The following MAPRE2 variants were observed in gnomAD, a reference collection of about 807,000 sequenced individuals.
MAPRE2 encodes microtubule associated protein RP/EB family member 2.
MAPRE2 carries 13 observed loss-of-function variants against 43.2 expected under a neutral mutation model. That is an observed-to-expected ratio of 0.30 (90% CI 0.20 to 0.48). The LOEUF (loss-of-function observed/expected upper bound fraction) is 0.48. Ranked by LOEUF, MAPRE2 falls within the 20% of genes least tolerant of loss-of-function variation. The probability of loss-of-function intolerance (pLI) is 0.99; values close to 1 mark genes in which losing one functional copy is unlikely to be tolerated. For missense variants in MAPRE2, 161 were observed against 400.2 expected (o/e 0.40, Z 5.10); for synonymous variants, 135 against 148.8 (o/e 0.91, Z 0.68).
intron 2 of MAPRE2, among the ~76,000 whole-genome samples, chr18:35,082,444 C>G (rs1450266329): frequency 2.6e-5 from 4 of 152,168 alleles, no homozygotes; most frequent in Non-Finnish European, 5.9e-5. Context: ...CTTGAGCAAT[C>G]TAGCTGCATT....
intron 2 of MAPRE2, among the ~76,000 whole-genome samples, chr18:35,071,439 G>A (rs1048475819): frequency 1.3e-5 from 2 of 152,198 alleles, no homozygotes; most frequent in African/African-American, 4.8e-5. Flanking sequence ...TTAGGTCTGA[G>A]TATTTATGAA....
intron 2 of MAPRE2, among the ~76,000 whole-genome samples, chr18:35,015,224 G>C (rs1035435182): frequency 1.3e-5 from 2 of 152,092 alleles, no homozygotes; most frequent in African/African-American, 2.4e-5. Flanking sequence ...TGGTGAGGTT[G>C]AGTACAGGGG....
At chr18:35,018,192 G>A (rs2097039651) in intron 2 of MAPRE2, among the ~76,000 whole-genome samples, 1 of 151,926 alleles carries the variant, frequency 6.6e-6, no homozygotes. Context: ...TTTTTGATAT[G>A]CTGTTGGATT....
upstream of MAPRE2, among the ~76,000 whole-genome samples, chr18:35,041,150 C>G (rs1905324424): frequency 6.6e-6 from 1 of 152,342 alleles, no homozygotes; most frequent in African/African-American, 2.4e-5. Context: ...AGAGGAAGAG[C>G]TGGTTTTCAG....
At chr18:35,053,023 A>AC (rs1906032464) in intron 1 of MAPRE2, among the ~76,000 whole-genome samples, 2 of 143,136 alleles carry the variant, frequency 1.4e-5, no homozygotes, top group South Asian at 2.5e-4. Flanking sequence ...CACACACACA[A>AC]AAAGACCTAG....
chr18:35,110,300 CAG>C (rs772349802), intron 4 of MAPRE2, among the ~76,000 whole-genome samples: 1 of 152,088 alleles, frequency 6.6e-6, no homozygotes, highest in Non-Finnish European at 1.5e-5. Context: ...GTATGAGAAA[CAG>C]AATGTAAAAC....
intron 1 of MAPRE2, among the ~76,000 whole-genome samples, chr18:34,985,133 A>ATAT (rs1482376201): frequency 1.2e-5 from 1 of 84,780 alleles, no homozygotes; most frequent in African/African-American, 4.9e-5. Context: ...TTATATATAA[A>ATAT]TATATACAAA....
chr18:35,031,573 C>T lies in MAPRE2; in HGVS notation c.-8+26020C>T, dbSNP rs142769514. On this transcript the variant is annotated intron_variant, in intron 2 of 7. Coordinates refer to the MAPRE2 transcript ENST00000413393. ...GAGTATTTTTAAATTGCATTCACAT[C>T]ATGTTCTATGAGTTATTCTACAAAA... Among the ~76,000 whole-genome samples, 5 of 152,282 alleles carry T rather than the reference C, an allele frequency of 3.3e-5. 1 individual carries two copies. In the East Asian group the frequency reaches 9.6e-4, roughly 29 times the overall value.
At chr18:35,001,511 C>T (rs1477200716) in intron 1 of MAPRE2, among the ~76,000 whole-genome samples, 1 of 76,382 alleles carries the variant, frequency 1.3e-5, no homozygotes, top group Non-Finnish European at 3.0e-5. Flanking sequence ...AAGACTTTGT[C>T]TCAAAAAAAA....
chr18:35,112,698 T>G, intron 4 of MAPRE2, among the ~76,000 whole-genome samples: 1 of 152,226 alleles, frequency 6.6e-6, no homozygotes, highest in East Asian at 1.9e-4. Context: ...GCAGTGGTTT[T>G]TTTCTTCTGA....
intron 5 of MAPRE2, chr18:35,127,337 G>A: frequency 2.4e-6 from 1 of 423,642 alleles, no homozygotes; most frequent in Non-Finnish European, 4.3e-6. Flanking sequence ...GCAGACTTCA[G>A]GCTACCTTCC....
intron 2 of MAPRE2, among the ~76,000 whole-genome samples, chr18:35,015,540 A>G (rs2150584873): frequency 6.6e-6 from 1 of 151,950 alleles, no homozygotes; most frequent in South Asian, 2.1e-4. Context: ...GTGAATGCAA[A>G]TTTGTTATCT....
chr18:35,070,139 T>C, intron 1 of MAPRE2, 56 bp from the exon 2 acceptor site: 1 of 1,519,900 alleles, frequency 6.6e-7, no homozygotes, highest in Non-Finnish European at 8.9e-7. Flanking sequence ...AATAGGTATC[T>C]TTTGTGTTTC....
At chr18:35,013,653 C>T (rs545577725) in intron 2 of MAPRE2, among the ~76,000 whole-genome samples, 1 of 152,254 alleles carries the variant, frequency 6.6e-6, no homozygotes, top group South Asian at 2.1e-4. Context: ...TTTAACAAAT[C>T]TCTCCCTATC....
intron 6 of MAPRE2, among the ~76,000 whole-genome samples, chr18:35,138,225 G>A (rs1447222243): frequency 1.3e-5 from 2 of 152,182 alleles, no homozygotes; most frequent in Non-Finnish European, 2.9e-5. Flanking sequence ...GTAAAGAGGG[G>A]ATCAGGGCTC....
chr18:35,027,264 C>A (rs907229635), intron 2 of MAPRE2, among the ~76,000 whole-genome samples: 18 of 152,314 alleles, frequency 1.2e-4, no homozygotes, highest in African/African-American at 4.1e-4. Context: ...CTGGGTGGAA[C>A]TTTGTGGCAG....
intron 3 of MAPRE2, among the ~76,000 whole-genome samples, chr18:35,100,437 A>T (rs1381614557): frequency 6.6e-6 from 1 of 152,220 alleles, no homozygotes; most frequent in Non-Finnish European, 1.5e-5. Flanking sequence ...AACAACTACC[A>T]TTCAACCCAG....
intron 2 of MAPRE2, among the ~76,000 whole-genome samples, chr18:35,020,236 A>C: frequency 6.6e-6 from 1 of 152,140 alleles, no homozygotes; most frequent in Admixed American, 6.6e-5. Flanking sequence ...GATAAGCCCC[A>C]GAGTGCCTCC....
chr18:35,057,499 A>AGTGTGTGT (rs550390570), intron 1 of MAPRE2, among the ~76,000 whole-genome samples: 2 of 82,170 alleles, frequency 2.4e-5, no homozygotes. Context: ...TACTGCAAGG[A>AGTGTGTGT]GTGTGTGCGT....
Sources: allele counts gnomAD v4.1 joint callset (sites outside exome capture counted in the v4.1 genomes callset), GRCh38; gene constraint gnomAD v4.1.1; transcripts MANE v1.5; gene names NCBI Gene and HGNC (gene_info 2026-07-23, HGNC 2026-07-21).